Variants in DNAJB11 observed in about 807,000 individuals in gnomAD.
DNAJB11 encodes the protein DnaJ heat shock protein family (Hsp40) member B11.
In DNAJB11, 30 loss-of-function variants were observed where a neutral mutation model predicts 47.2. The ratio of observed to expected loss-of-function variants is 0.64; its 90% CI spans 0.48 to 0.86. The LOEUF (loss-of-function observed/expected upper bound fraction) is 0.86, where lower values mean the gene tolerates loss of function less well. Among genes scored for constraint, DNAJB11 ranks in the 40% least tolerant of loss-of-function variants. DNAJB11 has a pLI of 0.00. For synonymous variants in DNAJB11, 151 were observed against 159.9 expected, an observed-to-expected ratio of 0.94 and a Z score of 0.42; for missense variants, 357 against 440.2, an observed-to-expected ratio of 0.81 and a Z score of 1.69.
At chr3:186,585,242 G>C (rs572399301) in intron 9 of DNAJB11, 102 bp from the exon 10 acceptor site, 1 of 855,808 alleles carries the variant, frequency 1.2e-6, no homozygotes, top group Non-Finnish European at 1.9e-6. Flanking sequence ...ATCCATGTTT[G>C]TCATAAGGCC....
chr3:186,571,020 GGTGGGA>G, intron 1 of DNAJB11, 55 bp downstream of exon 1: 1 of 1,129,296 alleles, frequency 8.9e-7, no homozygotes, highest in Admixed American at 2.5e-5. Context: ...TTTGCTGGGG[GGTGGGA>G]GGGGGTGGGG....
At chr3:186,574,946 A>G (rs1196506888) in intron 2 of DNAJB11, among the ~76,000 whole-genome samples, 1 of 151,624 alleles carries the variant, frequency 6.6e-6, no homozygotes, top group Non-Finnish European at 1.5e-5. Flanking sequence ...GTGCATATAT[A>G]TCAGATTGCT....
chr3:186,575,656 A>G (rs1174043378), intron 2 of DNAJB11, among the ~76,000 whole-genome samples, 184 bp from the exon 3 acceptor site: 1 of 152,246 alleles, frequency 6.6e-6, no homozygotes, highest in Admixed American at 6.5e-5. Flanking sequence ...TGAACAGTGC[A>G]TCAAAGAATT....
intron 8 of DNAJB11, among the ~76,000 whole-genome samples, 174 bp downstream of exon 8, chr3:186,584,150 T>G (rs1715586421): frequency 1.3e-5 from 2 of 152,266 alleles, no homozygotes; most frequent in African/African-American, 4.8e-5. Context: ...GCCAGACCTT[T>G]CAGCTACTCA....
chr3:186,584,713 A>G, intron 9 of DNAJB11, 124 bp downstream of exon 9: 1 of 1,001,116 alleles, frequency 1.0e-6, no homozygotes, highest in Non-Finnish European at 1.4e-6. Flanking sequence ...CATTAATGCT[A>G]GTAGAACACT....
At position 186,583,913 on chromosome 3, in the gene DNAJB11, A is replaced by G. The variant is rs1240825295; in HGVS notation, c.789A>G (p.Thr263=). Residue 263 remains threonine, a synonymous_variant, in exon 8 of 10, where the codon ACA becomes ACG. Transcript: ENST00000265028. ...RRGDDLYTNV[T]ISLVESLVGF... ...GAGATGATTTGTACACAAATGTGAC[A>G]ATCTCATTAGTTGAGTCACTGGTTG... 1 of 1,613,792 alleles carries G rather than the reference A, an allele frequency of 6.2e-7. No individual in the cohort carries two copies. Among genetic ancestry groups the G allele is most frequent in the African/African-American group, 1.3e-5 (1 of 74,936 alleles).
Position 186,585,407 on chromosome 3 carries a change from G to T in DNAJB11, c.1076G>T (p.Ter359LeuextTer2). 2 of 1,605,748 alleles carry T rather than the reference G, an allele frequency of 1.2e-6. No homozygotes were observed. The highest frequency in any genetic ancestry group is 2.2e-5 in the South Asian group (2 of 89,222). Residue 359 changes from the stop codon to leucine, a stop_lost, in exon 10 of 10, where the codon TGA becomes TTA. Transcript: ENST00000265028. ...QKVYNGLQGY[*>L] is the part of the protein sequence containing the mutation. ...GTATACAATGGACTGCAAGGATATT[G>T]AGAGTGAATAAAATTGGACTTTGTT...
At chr3:186,571,978 A>G (rs1404813052) in intron 1 of DNAJB11, 117 bp from the exon 2 acceptor site, 7 of 862,534 alleles carry the variant, frequency 8.1e-6, no homozygotes, top group Non-Finnish European at 1.2e-5. Flanking sequence ...ATAAACCTTC[A>G]TTTTTATACC....
At chr3:186,571,362 G>A (rs1715046514) in intron 1 of DNAJB11, among the ~76,000 whole-genome samples, 1 of 152,188 alleles carries the variant, frequency 6.6e-6, no homozygotes, top group South Asian at 2.1e-4. Flanking sequence ...CTGAGGTTGA[G>A]GGGATGGACG....
At chr3:186,584,947 T>A (rs961212742) in intron 9 of DNAJB11, among the ~76,000 whole-genome samples, 1 of 152,096 alleles carries the variant, frequency 6.6e-6, no homozygotes, top group Non-Finnish European at 1.5e-5. Flanking sequence ...CTAGGATGAC[T>A]GGTTGAGAAG....
chr3:186,575,775 A>G (rs1715269887), intron 2 of DNAJB11, 65 bp from the exon 3 acceptor site: 2 of 1,275,402 alleles, frequency 1.6e-6, no homozygotes, highest in Non-Finnish European at 2.3e-6. Context: ...AAACATAAAT[A>G]TGACTGTGCC....
intron 1 of DNAJB11, among the ~76,000 whole-genome samples, chr3:186,571,500 T>A (rs1245271323): frequency 6.6e-6 from 1 of 152,080 alleles, no homozygotes; most frequent in East Asian, 1.9e-4. Context: ...CCAGCCCGAG[T>A]TGGGACTGAA....
chr3:186,576,827 G>T lies in DNAJB11; in HGVS notation c.324-841G>T, dbSNP rs183908278. Among the ~76,000 whole-genome samples the T allele has an allele frequency of 1.8e-3, 280 of 152,262 alleles. 1 individual carries two copies. The highest frequency in any genetic ancestry group is 6.3e-3 in the African/African-American group (261 of 41,538). On this transcript the variant is annotated intron_variant, in intron 3 of 9. Transcript: ENST00000265028. ...CTAGGGAATACCAGAAAGAGAAACA[G>T]CTTCCCCAGCCCCCACCCTGTTCTT...
At position 186,584,420 on chromosome 3, in the gene DNAJB11, G is replaced by T. The variant is rs765120211; in HGVS notation, c.853-10G>T. The T allele has an allele frequency of 1.3e-6, 2 of 1,538,786 alleles. No homozygotes were observed. Among genetic ancestry groups the T allele is most frequent in the Non-Finnish European group, 1.7e-6 (2 of 1,150,346 alleles). ...GCTCCTGCTGCAGTACATTCCCTTT[G>T]GTTTTCTAGGTACATATTTCCCGGG... On this transcript the variant is annotated splice_polypyrimidine_tract_variant and intron_variant, in intron 8 of 9. Coordinates refer to ENST00000265028, the MANE Select transcript of DNAJB11 (RefSeq NM_016306.6).
At chr3:186,572,278 G>A (rs1715094087) in intron 2 of DNAJB11, 27 bp downstream of exon 2, 9 of 1,585,732 alleles carry the variant, frequency 5.7e-6, no homozygotes, top group African/African-American at 1.4e-5. Flanking sequence ...GATAAAGTAC[G>A]AATAAAATCT....
At position 186,570,736 on chromosome 3, in the gene DNAJB11, C is replaced by G. The variant is rs1715004657; in HGVS notation, c.-162C>G. The stretch of plus-strand genomic sequence containing the variant: ...GGACTCGGGACTCCCGGGAAGTGGA[C>G]CGGCAGAAGAGGGGGCTAGCTAGCT... On this transcript the variant is annotated 5_prime_UTR_variant, in exon 1 of 10. Transcript: ENST00000265028. The G allele has an allele frequency of 3.0e-6, 2 of 662,362 alleles. No homozygotes were observed. Among genetic ancestry groups the G allele is most frequent in the Non-Finnish European group, 5.2e-6 (2 of 384,174 alleles). The allele number at this position is 662,362 out of a possible 1,614,324, so 41.0% of individuals were successfully genotyped here.
chr3:186,576,322 C>T (rs148727171), intron 3 of DNAJB11, among the ~76,000 whole-genome samples: 355 of 152,316 alleles, frequency 2.3e-3, no homozygotes, highest in Non-Finnish European at 3.7e-3. Flanking sequence ...GCCTCTCTTT[C>T]GTGCTATCAA....
rs1560237449 is a variant in DNAJB11 at position 186,582,720 on chromosome 3, G to C, written c.687G>C (p.Glu229Asp). ...GCTGTAATCTGCTCTGACTAGGTGA[G>C]CCTCACGTGGATGGGGAGCCTGGAG... ...GMEYPFIGEG[E>D]PHVDGEPGDL... The change falls in exon 7 of 10, where the codon GAG becomes GAC. Residue 229 changes from glutamate to aspartate, a missense_variant. Physicochemically the swap from Glu to Asp is conservative, Grantham distance 45. Coordinates refer to ENST00000265028, the MANE Select transcript of DNAJB11 (RefSeq NM_016306.6). The C allele has an allele frequency of 6.3e-7, 1 of 1,591,228 alleles. No individual in the cohort carries two copies. The highest frequency in any genetic ancestry group is 2.2e-5 in the East Asian group (1 of 44,456).
intron 8 of DNAJB11, 83 bp downstream of exon 8, chr3:186,584,059 T>C: frequency 3.0e-6 from 3 of 984,540 alleles, no homozygotes; most frequent in South Asian, 2.7e-5. Flanking sequence ...GTTTCAGTCA[T>C]TGAGAACCAG....
Sources: allele counts gnomAD v4.1 joint callset (sites outside exome capture counted in the v4.1 genomes callset), GRCh38; gene constraint gnomAD v4.1.1; transcripts MANE v1.5; gene names NCBI Gene and HGNC (gene_info 2026-07-23, HGNC 2026-07-21).